Variants in PKHD1 observed in about 807,000 individuals in gnomAD.
PKHD1 encodes the protein fibrocystin.
PKHD1 carries 291 observed loss-of-function variants against 412.0 expected under a neutral mutation model. The ratio of observed to expected loss-of-function variants is 0.71; its 90% confidence interval spans 0.64 to 0.78. The LOEUF (loss-of-function observed/expected upper bound fraction) is 0.78, where lower values mean the gene tolerates loss of function less well. Among genes scored for constraint, PKHD1 ranks in the 30% least tolerant of loss-of-function variants. The pLI is 0.00. For synonymous variants in PKHD1, 1,777 were observed against 1,821.5 expected, an observed-to-expected ratio of 0.98 and a Z score of 0.62; for missense variants, 4,825 against 4,950.7, an observed-to-expected ratio of 0.97 and a Z score of 0.76.
intron 60 of PKHD1, among the ~76,000 whole-genome samples, chr6:51,739,426 T>C (rs995203423): frequency 6.6e-6 from 1 of 152,148 alleles, no homozygotes; most frequent in African/African-American, 2.4e-5. Flanking sequence ...AGACGGATTT[T>C]CATCACATTG....
Position 52,025,999 on chromosome 6 carries a change from C to T in PKHD1, c.3811G>A (p.Val1271Ile). The T allele has an allele frequency of 7.4e-6, 12 of 1,614,178 alleles. No homozygotes were observed. The highest frequency in any genetic ancestry group is 1.0e-5 in the Non-Finnish European group (12 of 1,180,038). ...GCGAAGAACCTGTTGCCAGCCCAGACCTCCACGGCAGCTGGAACAGTGGGA... is the reference window on the plus strand; with the variant it reads ...GCGAAGAACCTGTTGCCAGCCCAGATCTCCACGGCAGCTGGAACAGTGGGA... ...GAPTVPAAVEVWAGNRFFARG... is the reference protein window; with the variant it reads ...GAPTVPAAVEIWAGNRFFARG... Residue 1271 changes from valine to isoleucine, a missense_variant, in exon 32 of 67, where the codon GTC becomes ATC. Physicochemically the swap from Val to Ile is conservative, Grantham distance 29. Transcript: ENST00000371117.
At chr6:51,768,444 AT>A (rs1181801784) in intron 55 of PKHD1, among the ~76,000 whole-genome samples, 4 of 151,750 alleles carry the variant, frequency 2.6e-5, no homozygotes, top group Non-Finnish European at 4.4e-5. Flanking sequence ...AGGTTCTGTA[AT>A]TTTTCCTAAA....
chr6:52,034,451 T>G (rs1351037936), intron 28 of PKHD1, among the ~76,000 whole-genome samples: 1 of 152,052 alleles, frequency 6.6e-6, no homozygotes, highest in Non-Finnish European at 1.5e-5. Context: ...ATGTTTATGT[T>G]CTCTGGTAAA....
intron 53 of PKHD1, among the ~76,000 whole-genome samples, chr6:51,788,579 G>T (rs1346743930): frequency 6.6e-6 from 1 of 151,892 alleles, no homozygotes; most frequent in Non-Finnish European, 1.5e-5. Flanking sequence ...CCATACAAAG[G>T]CCATGCCTCT....
At chr6:51,966,221 C>T (rs918214817) in intron 35 of PKHD1, among the ~76,000 whole-genome samples, 9 of 152,120 alleles carry the variant, frequency 5.9e-5, no homozygotes, top group Non-Finnish European at 1.0e-4. Context: ...TGGTTTTATA[C>T]ATTTTAGGGA....
At chr6:51,671,628 T>A (rs1774996583) in intron 60 of PKHD1, among the ~76,000 whole-genome samples, 1 of 152,154 alleles carries the variant, frequency 6.6e-6, no homozygotes, top group African/African-American at 2.4e-5. Flanking sequence ...GGCGCTCTGC[T>A]TTTTAGAGTT....
At position 52,025,533 on chromosome 6, in the gene PKHD1, G is replaced by C; in HGVS notation, c.4277C>G (p.Ser1426Trp). 2.5e-6 allele frequency: 4 copies of C among 1,614,086 alleles called. No individual in the cohort carries two copies. Among genetic ancestry groups the C allele is most frequent in the Non-Finnish European group, 2.5e-6 (3 of 1,179,994 alleles). Residue 1426 changes from serine (S) to tryptophan (W), a missense_variant, in exon 32 of 67, where the codon TCG becomes TGG. Coordinates refer to ENST00000371117, the MANE Select transcript of PKHD1 (RefSeq NM_138694.4). Reference sequence around the variant, plus strand: ...CAAAATCACACAAGTAAAAGGACCCGAGAGGTCAACCCGAACTGACCTCCT... The same window carrying C: ...CAAAATCACACAAGTAAAAGGACCCCAGAGGTCAACCCGAACTGACCTCCT... ...SRRRSVRVDL[S>W]GPFTCVILSL...
chr6:51,870,578 T>C lies in PKHD1; in HGVS notation c.7412A>G (p.Asn2471Ser). 1 of 1,608,204 alleles carries C rather than the reference T, an allele frequency of 6.2e-7. No homozygotes were observed. The highest frequency in any genetic ancestry group is 8.5e-7 in the Non-Finnish European group (1 of 1,174,636). The change falls in exon 47 of 67, where the codon AAC becomes AGC. Residue 2471 changes from asparagine (N) to serine (S), a missense_variant. Transcript: ENST00000371117. ...TPKRWELMVS[N>S]TTFVNFDLIN... Reference sequence around the variant, plus strand: ...GAGATCAAAATTAACAAAGGTTGTGTTAGACACCATCAGTTCCCATCTTTT... The same window carrying C: ...GAGATCAAAATTAACAAAGGTTGTGCTAGACACCATCAGTTCCCATCTTTT...
At chr6:51,950,220 A>AATATATAT (rs1333126139) in intron 36 of PKHD1, among the ~76,000 whole-genome samples, 202 of 98,266 alleles carry the variant, frequency 2.1e-3, no homozygotes, top group South Asian at 9.5e-3. Flanking sequence ...GAAAAAAAAA[A>AATATATAT]ATATATATAT....
intron 65 of PKHD1, among the ~76,000 whole-genome samples, chr6:51,627,758 C>A (rs563598612): frequency 2.0e-5 from 3 of 152,070 alleles, no homozygotes; most frequent in East Asian, 1.9e-4. Context: ...AGCCACCATA[C>A]GCAAGATGAG....
chr6:51,914,635 T>C (rs1056331824), intron 37 of PKHD1, among the ~76,000 whole-genome samples: 1 of 152,120 alleles, frequency 6.6e-6, no homozygotes, highest in African/African-American at 2.4e-5. Context: ...TCTTTGTCCA[T>C]TAACCTGCAG....
intron 52 of PKHD1, among the ~76,000 whole-genome samples, chr6:51,814,474 T>C (rs911622082): frequency 5.3e-5 from 8 of 152,136 alleles, no homozygotes; most frequent in Non-Finnish European, 1.2e-4. Context: ...ATCCACACTA[T>C]ACAAATGAGA....
chr6:52,050,409 A>G, intron 21 of PKHD1, 114 bp from the exon 22 acceptor site: 1 of 1,020,214 alleles, frequency 9.8e-7, no homozygotes, highest in Non-Finnish European at 1.5e-6. Context: ...CCTAAAGCAT[A>G]GATTCCTACT....
intron 60 of PKHD1, among the ~76,000 whole-genome samples, chr6:51,710,080 G>T (rs564722791): frequency 2.0e-5 from 3 of 151,948 alleles, no homozygotes; most frequent in Non-Finnish European, 4.4e-5. Flanking sequence ...CATGGTGGCG[G>T]CTGCCTGTAA....
chr6:51,689,580 C>T (rs1316296240), intron 60 of PKHD1, among the ~76,000 whole-genome samples: 2 of 152,232 alleles, frequency 1.3e-5, no homozygotes, highest in East Asian at 3.9e-4. Flanking sequence ...GGACATGATC[C>T]TATGTCTTGA....
intron 36 of PKHD1, among the ~76,000 whole-genome samples, chr6:51,942,884 C>A (rs1327172982): frequency 1.3e-5 from 2 of 151,600 alleles, no homozygotes; most frequent in Non-Finnish European, 1.5e-5. Flanking sequence ...CAGGCCCCCT[C>A]CCCTCCCTAC....
intron 26 of PKHD1, 38 bp from the exon 27 acceptor site, chr6:52,043,172 A>C: frequency 6.7e-7 from 1 of 1,501,838 alleles, no homozygotes; most frequent in Non-Finnish European, 9.2e-7. Context: ...AAATAAAATA[A>C]TCTCTCAGTG....
intron 35 of PKHD1, among the ~76,000 whole-genome samples, chr6:51,968,550 A>C (rs978260308): frequency 6.6e-6 from 1 of 152,190 alleles, no homozygotes; most frequent in East Asian, 1.9e-4. Context: ...CTTCTTGTTG[A>C]CATCAGACAT....
chr6:51,864,274 T>C (rs982107982), intron 48 of PKHD1, among the ~76,000 whole-genome samples: 2 of 152,158 alleles, frequency 1.3e-5, no homozygotes, highest in African/African-American at 4.8e-5. Context: ...TGTCAGACTT[T>C]CCTTGGAAAG....
Sources: gnomAD v4.1 joint callset for allele counts (sites outside exome capture counted in the v4.1 genomes callset) on GRCh38, gnomAD v4.1.1 for gene constraint, MANE v1.5 for transcripts, NCBI Gene and HGNC (gene_info 2026-07-23, HGNC 2026-07-21) for gene names.